Variants in DLG2 observed in about 807,000 individuals in gnomAD.
The protein encoded by DLG2 is discs large MAGUK scaffold protein 2, also known as disks large homolog 2.
DLG2 carries 45 observed loss-of-function variants against 132.5 expected under a neutral mutation model. The observed-to-expected ratio is 0.34, with a 90% confidence interval of 0.27 to 0.44. DLG2 has a LOEUF of 0.44. Ranked by LOEUF, DLG2 falls within the 20% of genes least tolerant of loss-of-function variation. DLG2 has a pLI of 1.00. For missense variants in DLG2, 1,045 were observed against 1,196.9 expected, an observed-to-expected ratio of 0.87 and a Z score of 1.87; for synonymous variants, 424 against 419.6, an observed-to-expected ratio of 1.01 and a Z score of -0.13.
At chr11:85,253,276 T>C (rs1216402685) in intron 4 of DLG2, among the ~76,000 whole-genome samples, 1 of 152,168 alleles carries the variant, frequency 6.6e-6, no homozygotes, top group Non-Finnish European at 1.5e-5. Context: ...AAAAATCACA[T>C]ACATAGCAAA....
chr11:84,858,604 C>T (rs1438634878), intron 6 of DLG2, among the ~76,000 whole-genome samples: 1 of 152,038 alleles, frequency 6.6e-6, no homozygotes, highest in African/African-American at 2.4e-5. Context: ...TCCCAAACTC[C>T]TGGCACATGG....
intron 7 of DLG2, among the ~76,000 whole-genome samples, chr11:84,506,169 G>C (rs11234053): frequency 1.4e-5 from 2 of 146,986 alleles, no homozygotes; most frequent in Non-Finnish European, 3.0e-5. Context: ...TCCGCCTCCC[G>C]GGTTCAAGCC....
chr11:84,405,728 A>G (rs1360141614), intron 7 of DLG2, among the ~76,000 whole-genome samples: 1 of 152,168 alleles, frequency 6.6e-6, no homozygotes, highest in Non-Finnish European at 1.5e-5. Context: ...GGGGAAAAAA[A>G]GCTAAAGAAG....
rs2097129629 is a variant in DLG2, at chr11:84,234,156, C to T, written c.573+17082G>A. On this transcript the variant is annotated intron_variant, in intron 8 of 27. Transcript: ENST00000376104. Reference sequence around the variant, plus strand: ...GGACAGCCCACCCCGAGGGAAGAATCATGGGGGAAGAGATGCAAGACCCTG... The same window carrying T: ...GGACAGCCCACCCCGAGGGAAGAATTATGGGGGAAGAGATGCAAGACCCTG... Among the ~76,000 whole-genome samples, 3 of 152,274 alleles carry T rather than the reference C, an allele frequency of 2.0e-5. No homozygotes were observed. The South Asian group carries it at 6.2e-4, about 32-fold the overall frequency.
chr11:84,739,147 A>G (rs1484151549), intron 6 of DLG2, among the ~76,000 whole-genome samples: 5 of 152,172 alleles, frequency 3.3e-5, no homozygotes, highest in Non-Finnish European at 5.9e-5. Context: ...CTATCAAAAC[A>G]GATCAAATTT....
chr11:84,038,780 T>C (rs1329007968), intron 11 of DLG2, among the ~76,000 whole-genome samples: 1 of 152,072 alleles, frequency 6.6e-6, no homozygotes, highest in Non-Finnish European at 1.5e-5. Flanking sequence ...CAGCATGGCT[T>C]GGAAGGCCTC....
intron 17 of DLG2, among the ~76,000 whole-genome samples, chr11:83,799,438 GT>G (rs2043753225): frequency 6.6e-6 from 1 of 152,212 alleles, no homozygotes; most frequent in South Asian, 2.1e-4. Flanking sequence ...ATAATCGGAT[GT>G]GATACTATTG....
chr11:85,022,176 A>G (rs1239350674), intron 6 of DLG2, among the ~76,000 whole-genome samples: 2 of 152,150 alleles, frequency 1.3e-5, no homozygotes, highest in East Asian at 3.9e-4. Flanking sequence ...TATTTCTAAA[A>G]GAATGAAAAT....
chr11:85,275,561 T>C (rs1216648382), intron 4 of DLG2, among the ~76,000 whole-genome samples: 1 of 152,116 alleles, frequency 6.6e-6, no homozygotes, highest in Non-Finnish European at 1.5e-5. Flanking sequence ...AATCCAGAAC[T>C]ATTATCTGAT....
chr11:83,588,050 C>A (rs1325478527), intron 19 of DLG2, among the ~76,000 whole-genome samples: 1 of 152,166 alleles, frequency 6.6e-6, no homozygotes, highest in South Asian at 2.1e-4. Context: ...GGCAGCGAGG[C>A]TAGGGGAGGG....
At chr11:84,592,933 TAAAAAAAAAAA>T (rs61017970) in intron 6 of DLG2, among the ~76,000 whole-genome samples, 17 of 18,194 alleles carry the variant, frequency 9.3e-4, no homozygotes, top group South Asian at 6.0e-3. Context: ...CTGTCTCTAC[TAAAAAAAAAAA>T]AAAAAAAAAA....
intron 4 of DLG2, among the ~76,000 whole-genome samples, chr11:85,227,428 C>T (rs1031412223): frequency 6.6e-5 from 10 of 152,000 alleles, no homozygotes; most frequent in African/African-American, 2.2e-4. Context: ...AGTCACTCAT[C>T]AGATATACAA....
intron 6 of DLG2, among the ~76,000 whole-genome samples, chr11:85,075,448 C>G (rs1245995384): frequency 6.6e-6 from 1 of 151,706 alleles, no homozygotes; most frequent in Non-Finnish European, 1.5e-5. Context: ...ATAGCCAAAC[C>G]ACTTAATAAG....
Position 83,503,363 on chromosome 11 carries a change from A to C in DLG2, c.2194-19135T>G, listed in dbSNP as rs1201003388. On this transcript the variant is annotated intron_variant, in intron 21 of 27. Transcript: ENST00000376104. ...TATATTTATATATATACACACACAC[A>C]CCCATTTATATATATATATATATAT... Among the ~76,000 whole-genome samples, 7 of 77,948 alleles carry C rather than the reference A, an allele frequency of 9.0e-5. No homozygotes were observed. In the Admixed American group the frequency reaches 9.5e-4, roughly 11 times the overall value. The allele number at this position is 77,948 out of a possible 152,430, so 51.1% of individuals were successfully genotyped here.
At chr11:84,737,886 T>C (rs190933009) in intron 6 of DLG2, among the ~76,000 whole-genome samples, 25 of 152,232 alleles carry the variant, frequency 1.6e-4, no homozygotes, top group African/African-American at 6.0e-4. Context: ...TAAGTTGTAA[T>C]GGCATTCACT....
chr11:83,581,948 C>CTTTTT (rs71849863), intron 19 of DLG2, among the ~76,000 whole-genome samples: 3,043 of 52,700 alleles, frequency 0.058, 373 homozygotes, highest in East Asian at 0.077. Flanking sequence ...AGTTTGGACT[C>CTTTTT]TTTTTTTTTT....
chr11:85,320,791 A>T (rs2081010007), intron 3 of DLG2, among the ~76,000 whole-genome samples: 1 of 151,958 alleles, frequency 6.6e-6, no homozygotes, highest in Non-Finnish European at 1.5e-5. Flanking sequence ...TGTACTATTC[A>T]TGCTCAAGAA....
chr11:85,115,563 G>A (rs868815506), intron 5 of DLG2, among the ~76,000 whole-genome samples: 1 of 151,964 alleles, frequency 6.6e-6, no homozygotes, highest in Admixed American at 6.6e-5. Flanking sequence ...CTTGGGGCAG[G>A]AGTAAGAAAT....
At chr11:84,691,983 A>G (rs2058096813) in intron 6 of DLG2, among the ~76,000 whole-genome samples, 1 of 151,654 alleles carries the variant, frequency 6.6e-6, no homozygotes, top group Non-Finnish European at 1.5e-5. Context: ...TCTGCCTTTC[A>G]GCTCCTTTTG....
Sources: gnomAD v4.1 joint callset for allele counts (sites outside exome capture counted in the v4.1 genomes callset) on GRCh38, gnomAD v4.1.1 for gene constraint, MANE v1.5 for transcripts, NCBI Gene and HGNC (gene_info 2026-07-23, HGNC 2026-07-21) for gene names.